EHBP1: variants seen among roughly 807,000 people sequenced by gnomAD.
EHBP1 encodes EH domain binding protein 1.
EHBP1 carries 55 observed loss-of-function variants against 144.0 expected under a neutral mutation model. The ratio of observed to expected loss-of-function variants is 0.38; its 90% CI spans 0.31 to 0.48. The LOEUF (loss-of-function observed/expected upper bound fraction) is 0.48. EHBP1 is among the 20% of genes least tolerant of loss of function. The pLI is 0.98. For missense variants in EHBP1, 1,200 were observed against 1,364.2 expected (o/e 0.88, Z 1.90); for synonymous variants, 469 against 472.7 (o/e 0.99, Z 0.10).
intron 10 of EHBP1, among the ~76,000 whole-genome samples, chr2:62,920,002 A>T (rs1295114196): frequency 6.6e-6 from 1 of 152,204 alleles, no homozygotes; most frequent in Non-Finnish European, 1.5e-5. Flanking sequence ...ACCATCAACT[A>T]AACCAACATA....
intron 2 of EHBP1, among the ~76,000 whole-genome samples, chr2:62,718,916 G>C (rs976256888): frequency 6.6e-6 from 1 of 151,786 alleles, no homozygotes; most frequent in Non-Finnish European, 1.5e-5. Flanking sequence ...GACAAGACTG[G>C]TTTGTTCTCT....
intron 2 of EHBP1, among the ~76,000 whole-genome samples, chr2:62,720,856 A>T (rs553105497): frequency 2.6e-5 from 4 of 152,298 alleles, no homozygotes; most frequent in Admixed American, 6.5e-5. Context: ...CATAAATCTC[A>T]TAATGCTTTA....
At chr2:62,905,507 G>T (rs1269057590) in intron 10 of EHBP1, among the ~76,000 whole-genome samples, 1 of 152,072 alleles carries the variant, frequency 6.6e-6, no homozygotes, top group Non-Finnish European at 1.5e-5. Context: ...GCAGGGAAAT[G>T]ATATAATCAG....
chr2:62,709,231 T>G (rs1221226424), intron 2 of EHBP1, among the ~76,000 whole-genome samples: 2 of 151,696 alleles, frequency 1.3e-5, no homozygotes, highest in Admixed American at 1.3e-4. Flanking sequence ...ACAAAATGGG[T>G]AGGATTTGGT....
chr2:62,761,382 G>C (rs148005843), intron 3 of EHBP1, among the ~76,000 whole-genome samples: 2 of 152,150 alleles, frequency 1.3e-5, no homozygotes, highest in Non-Finnish European at 2.9e-5. Flanking sequence ...AATAGAAAGA[G>C]AATAGAGGGA....
intron 5 of EHBP1, among the ~76,000 whole-genome samples, chr2:62,809,195 G>T (rs1156584866): frequency 6.6e-6 from 1 of 151,282 alleles, no homozygotes; most frequent in Non-Finnish European, 1.5e-5. Flanking sequence ...GGAGGCTGAG[G>T]CAGGAGAATC....
chr2:62,848,953 A>G (rs1198926837), intron 7 of EHBP1, among the ~76,000 whole-genome samples: 2 of 152,196 alleles, frequency 1.3e-5, no homozygotes, highest in African/African-American at 4.8e-5. Flanking sequence ...TAAATATATT[A>G]GGTTTGTAAG....
At chr2:62,918,525 G>C (rs2054821116) in intron 10 of EHBP1, among the ~76,000 whole-genome samples, 1 of 152,138 alleles carries the variant, frequency 6.6e-6, no homozygotes, top group African/African-American at 2.4e-5. Context: ...TAACCTGCAA[G>C]CATCTCTAGT....
At chr2:62,885,618 G>A (rs556873932) in intron 10 of EHBP1, among the ~76,000 whole-genome samples, 3 of 152,168 alleles carry the variant, frequency 2.0e-5, no homozygotes, top group South Asian at 2.1e-4. Flanking sequence ...AAATGAAATT[G>A]TTCCCAGATA....
At chr2:62,689,776 A>T (rs924625954) in intron 1 of EHBP1, among the ~76,000 whole-genome samples, 4 of 152,186 alleles carry the variant, frequency 2.6e-5, no homozygotes, top group Non-Finnish European at 5.9e-5. Flanking sequence ...CTTTTTCCTG[A>T]TGAAACCATT....
chr2:62,724,789 C>T (rs151010494), intron 2 of EHBP1, among the ~76,000 whole-genome samples: 76 of 152,274 alleles, frequency 5.0e-4, no homozygotes, highest in Non-Finnish European at 9.4e-4. Context: ...GTGAGCATTA[C>T]TACCTGAAAT....
chr2:62,723,264 G>T (rs2036411286), intron 2 of EHBP1, among the ~76,000 whole-genome samples: 1 of 152,056 alleles, frequency 6.6e-6, no homozygotes, highest in Non-Finnish European at 1.5e-5. Context: ...TAATCTTTGT[G>T]ATTTAAGGTC....
intron 10 of EHBP1, among the ~76,000 whole-genome samples, chr2:62,895,029 A>G (rs1238429300): frequency 6.6e-6 from 1 of 152,074 alleles, no homozygotes; most frequent in Non-Finnish European, 1.5e-5. Context: ...AACTGTACGG[A>G]TGAATCTCAA....
At position 62,826,278 on chromosome 2, in the gene EHBP1, T is replaced by C. The variant is rs2046339083; in HGVS notation, c.494+10T>C. 1 of 1,589,864 alleles carries C rather than the reference T, an allele frequency of 6.3e-7. No homozygotes were observed. On this transcript the variant is annotated intron_variant, in intron 6 of 22. Coordinates refer to ENST00000431489, the MANE Select transcript of EHBP1 (RefSeq NM_001142616.3). ...GGGAAGGAAAAGCCACGTAAGTTTC[T>C]TTTGTCAAATAAGCTTCCTTACATT... is the stretch of plus-strand genomic sequence containing the variant.
At chr2:63,041,519 A>G (rs2061659864) in intron 21 of EHBP1, among the ~76,000 whole-genome samples, 1 of 152,190 alleles carries the variant, frequency 6.6e-6, no homozygotes, top group African/African-American at 2.4e-5. Context: ...GGATTTATGC[A>G]TAGGTTCACT....
chr2:62,740,941 T>A (rs1049176260), intron 2 of EHBP1, among the ~76,000 whole-genome samples: 17 of 152,310 alleles, frequency 1.1e-4, no homozygotes, highest in Admixed American at 4.6e-4. Flanking sequence ...TTTTTTAATT[T>A]ACTGAGTTTT....
In EHBP1 at chr2:62,931,457, G is replaced by C. The variant is rs1005863823; in HGVS notation, c.1186-11261G>C. On this transcript the variant is annotated intron_variant, in intron 10 of 22. Coordinates refer to ENST00000431489, the MANE Select transcript of EHBP1 (RefSeq NM_001142616.3). Reference sequence around the variant, plus strand: ...TGGTGTGAATTTAAAATGATACAGTGCTGTGGAAAACAGTATCATGATTCC... The same window carrying C: ...TGGTGTGAATTTAAAATGATACAGTCCTGTGGAAAACAGTATCATGATTCC... 4.6e-5 allele frequency among the ~76,000 whole-genome samples: 7 copies of C among 152,132 alleles called. 1 individual carries two copies. Among genetic ancestry groups the C allele is most frequent in the African/African-American group, 1.7e-4 (7 of 41,420 alleles).
intron 9 of EHBP1, among the ~76,000 whole-genome samples, chr2:62,873,244 T>G (rs2050626357): frequency 6.6e-6 from 1 of 152,142 alleles, no homozygotes; most frequent in South Asian, 2.1e-4. Context: ...AATACTAGAT[T>G]TGACAGATAG....
chr2:63,012,302 A>G (rs994541324), intron 19 of EHBP1, among the ~76,000 whole-genome samples: 1 of 152,044 alleles, frequency 6.6e-6, no homozygotes, highest in Non-Finnish European at 1.5e-5. Context: ...CCAATCTCTT[A>G]CTGTTAAACT....
Sources: gnomAD v4.1 joint callset for allele counts (sites outside exome capture counted in the v4.1 genomes callset) on GRCh38, gnomAD v4.1.1 for gene constraint, MANE v1.5 for transcripts, NCBI Gene and HGNC (gene_info 2026-07-23, HGNC 2026-07-21) for gene names.